The following OSBP2 variants were observed in gnomAD, a reference collection of about 807,000 sequenced individuals.
OSBP2 encodes oxysterol-binding protein 2.
OSBP2 carries 66 observed loss-of-function variants against 96.0 expected under a neutral mutation model. The observed-to-expected ratio is 0.69, with a 90% CI of 0.56 to 0.84. OSBP2 has a LOEUF of 0.84. Ranked by LOEUF, OSBP2 falls within the 40% of genes least tolerant of loss-of-function variation. The pLI, the probability that OSBP2 is intolerant of heterozygous loss-of-function variation, is 0.00. For synonymous variants in OSBP2, 525 were observed against 520.9 expected (o/e 1.01, Z -0.11); for missense variants, 1,038 against 1,222.7 (o/e 0.85, Z 2.25).
intron 1 of OSBP2, among the ~76,000 whole-genome samples, chr22:30,735,386 C>A (rs145307863): frequency 2.2e-5 from 3 of 136,700 alleles, no homozygotes; most frequent in Non-Finnish European, 4.8e-5. Flanking sequence ...ATTGTTTCTT[C>A]TTCTTTTTTC....
At position 30,881,551 on chromosome 22, in the gene OSBP2, A is replaced by T; in HGVS notation, c.1108-5875A>T. 1 of 690,982 alleles carries T rather than the reference A, an allele frequency of 1.4e-6. No homozygotes were observed. Among genetic ancestry groups the T allele is most frequent in the Non-Finnish European group, 2.1e-6 (1 of 477,548 alleles). The allele number at this position is 690,982 out of a possible 1,614,324, so 42.8% of individuals were successfully genotyped here. ...GTTGTCACACAGCCTCAGAGAAATG[A>T]GACCACGTTCAGGCCTGGGCTGGGT... On this transcript the variant is annotated intron_variant, in intron 3 of 13. Coordinates refer to ENST00000332585, the MANE Select transcript of OSBP2 (RefSeq NM_030758.4). The surrounding 1 kb of genome is among the most constrained non-coding windows in gnomAD (Gnocchi z 4.5).
chr22:30,771,297 T>C (rs1196498930), intron 2 of OSBP2, among the ~76,000 whole-genome samples: 1 of 152,162 alleles, frequency 6.6e-6, no homozygotes, highest in African/African-American at 2.4e-5. Flanking sequence ...CAGGCAGGCA[T>C]GACAACCATA....
At chr22:30,730,896 C>T (rs547512851) in intron 1 of OSBP2, among the ~76,000 whole-genome samples, 1 of 147,756 alleles carries the variant, frequency 6.8e-6, no homozygotes, top group East Asian at 2.0e-4. Flanking sequence ...TAATGCTGGC[C>T]GGGCGCGGTG....
chr22:30,824,609 A>G (rs536347982), intron 2 of OSBP2, among the ~76,000 whole-genome samples: 1 of 152,214 alleles, frequency 6.6e-6, no homozygotes, highest in Non-Finnish European at 1.5e-5. Context: ...CGTTATGGGA[A>G]TTGATTGTGT....
chr22:30,727,833 G>A (rs142227836), intron 1 of OSBP2, among the ~76,000 whole-genome samples: 3,039 of 151,806 alleles, frequency 0.02, 106 homozygotes, highest in African/African-American at 0.068. Context: ...TGGGCCGGGC[G>A]CAGTGTCTCA....
intron 3 of OSBP2, among the ~76,000 whole-genome samples, chr22:30,875,241 A>C (rs2039553592): frequency 6.6e-6 from 1 of 152,038 alleles, no homozygotes; most frequent in Non-Finnish European, 1.5e-5. Flanking sequence ...CCCCTTCCAG[A>C]GGGATCACCT....
intron 1 of OSBP2, among the ~76,000 whole-genome samples, chr22:30,729,775 G>A (rs1274904913): frequency 6.6e-6 from 1 of 151,940 alleles, no homozygotes; most frequent in South Asian, 2.1e-4. Flanking sequence ...AGAGGCCGAG[G>A]CAGGTGGATC....
intron 1 of OSBP2, among the ~76,000 whole-genome samples, chr22:30,727,193 T>C (rs2089665579): frequency 6.6e-6 from 1 of 152,172 alleles, no homozygotes; most frequent in Non-Finnish European, 1.5e-5. Context: ...ATGTGGTAGT[T>C]AGGATGAACA....
At position 30,881,901 on chromosome 22, in the gene OSBP2, C is replaced by A; in HGVS notation, c.1108-5525C>A. 9.5e-7 allele frequency: 1 copy of A among 1,052,532 alleles called. No homozygotes were observed. The highest frequency in any genetic ancestry group is 1.3e-6 in the Non-Finnish European group (1 of 777,430). 65.2% of individuals were successfully genotyped at this position (1,052,532 alleles called of 1,614,324 possible). On this transcript the variant is annotated intron_variant, in intron 3 of 13. Transcript: ENST00000332585. This position sits in a 1 kb window ranked among gnomAD's most constrained non-coding sequence, Gnocchi z 4.5. ...TGGGGGTAAAGGTCTTGGGTGCAGC[C>A]ACATGAGGCCTTTGATATTAGGGCA... is the stretch of plus-strand genomic sequence containing the variant.
At chr22:30,739,991 A>G (rs933757678) in intron 1 of OSBP2, among the ~76,000 whole-genome samples, 12 of 152,104 alleles carry the variant, frequency 7.9e-5, no homozygotes, top group African/African-American at 2.9e-4. Context: ...GATTACAGGC[A>G]AGAGCCACCA....
rs1325100880 is a variant in OSBP2 at position 30,695,153 on chromosome 22, C to T, written c.244C>T (p.Pro82Ser). Reference protein sequence around the residue: ...AVSEAVPRSEPVSETTSEPEP... With the variant: ...AVSEAVPRSESVSETTSEPEP... ...TTCGGAGGCAGTGCCAAGATCGGAA[C>T]CTGTGTCCGAGACGACGTCTGAGCC... Residue 82 changes from proline (P) to serine (S), a missense_variant, in exon 1 of 14, where the codon CCT (proline) becomes TCT (serine). By Grantham distance (74) the Pro-to-Ser change is moderately conservative. Transcript: ENST00000332585. The T allele has an allele frequency of 6.2e-7, 1 of 1,609,560 alleles. No individual in the cohort carries two copies. The highest frequency in any genetic ancestry group is 1.1e-5 in the South Asian group (1 of 90,536).
At chr22:30,789,330 G>T (rs1254633687) in intron 2 of OSBP2, among the ~76,000 whole-genome samples, 1 of 152,110 alleles carries the variant, frequency 6.6e-6, no homozygotes, top group African/African-American at 2.4e-5. Flanking sequence ...AGAGAGAGGG[G>T]GCCTGAATCT....
intron 2 of OSBP2, among the ~76,000 whole-genome samples, chr22:30,768,661 G>A (rs2090308679): frequency 6.6e-6 from 1 of 151,334 alleles, no homozygotes; most frequent in Non-Finnish European, 1.5e-5. Context: ...TGGGGGACAA[G>A]AGCGAGAAAC....
chr22:30,833,353 G>GA (rs1183736714), intron 2 of OSBP2, among the ~76,000 whole-genome samples: 3 of 151,650 alleles, frequency 2.0e-5, no homozygotes, highest in Admixed American at 6.6e-5. Flanking sequence ...AATCCAATAG[G>GA]AAAAAAAAGC....
intron 1 of OSBP2, among the ~76,000 whole-genome samples, chr22:30,696,104 C>T (rs571244405): frequency 6.6e-6 from 1 of 152,300 alleles, no homozygotes; most frequent in South Asian, 2.1e-4. Context: ...GGTTCTTGGC[C>T]TTCAGGAGTC....
At position 30,893,167 on chromosome 22, in the gene OSBP2, C is replaced by T; in HGVS notation, c.1915C>T (p.His639Tyr). ...PSAAHYVFSK[H>Y]GWSLWQEITI... ...AGCTGCGCACTACGTGTTCTCCAAG[C>T]ATGGCTGGAGCCTCTGGCAGGAGAT... Residue 639 changes from histidine to tyrosine, a missense_variant, in exon 9 of 14, where the codon CAT (histidine) becomes TAT (tyrosine). Physicochemically the swap from His to Tyr is moderately conservative, Grantham distance 83 (BLOSUM62 2). Transcript: ENST00000332585. 6.2e-7 allele frequency: 1 copy of T among 1,614,122 alleles called. No individual in the cohort carries two copies. The highest frequency in any genetic ancestry group is 2.2e-5 in the East Asian group (1 of 44,882).
At chr22:30,795,038 T>C (rs992386176) in intron 2 of OSBP2, among the ~76,000 whole-genome samples, 1 of 151,340 alleles carries the variant, frequency 6.6e-6, no homozygotes, top group Non-Finnish European at 1.5e-5. Context: ...GCCTCCCAAG[T>C]AGCTGGGACT....
intron 2 of OSBP2, among the ~76,000 whole-genome samples, chr22:30,758,373 C>T (rs943890736): frequency 6.6e-6 from 1 of 152,134 alleles, no homozygotes; most frequent in African/African-American, 2.4e-5. Context: ...TGCATTCCAG[C>T]CTGGGTGACA....
chr22:30,738,219 C>T (rs1156901687), intron 1 of OSBP2, among the ~76,000 whole-genome samples: 1 of 152,076 alleles, frequency 6.6e-6, no homozygotes, highest in Non-Finnish European at 1.5e-5. Flanking sequence ...AGAACTGCCC[C>T]TCACCTGGTG....
Sources: gnomAD v4.1 joint callset for allele counts (sites outside exome capture counted in the v4.1 genomes callset) on GRCh38, gnomAD v4.1.1 for gene constraint, Gnocchi (gnomAD v3.1) non-coding constraint, MANE v1.5 for transcripts, NCBI Gene and HGNC (gene_info 2026-07-23, HGNC 2026-07-21) for gene names.